DRC11: variants seen among roughly 807,000 people sequenced by gnomAD.
DRC11 encodes the protein dynein regulatory complex subunit 11.
chr2:236,368,289 T>C, the DRC11 span: 7 of 1,593,302 alleles, frequency 4.4e-6, no homozygotes, highest in Non-Finnish European at 6.0e-6. Context: ...AGTCCCCAGG[T>C]AGCTGTACTC....
At chr2:236,447,067 G>A in the DRC11 span, among the ~76,000 whole-genome samples, 1 of 151,478 alleles carries the variant, frequency 6.6e-6, no homozygotes, top group Non-Finnish European at 1.5e-5. This position sits in a 1 kb window ranked among gnomAD's most constrained non-coding sequence, Gnocchi z 4.6. Context: ...TGAGCTCCCA[G>A]CCTCCTCCAG....
chr2:236,419,903 G>A, the DRC11 span, among the ~76,000 whole-genome samples: 1 of 152,154 alleles, frequency 6.6e-6, no homozygotes, highest in African/African-American at 2.4e-5. This position sits in a 1 kb window ranked among gnomAD's most constrained non-coding sequence, Gnocchi z 4.8. Context: ...AGTGTTCACT[G>A]AGCACTCACT....
the DRC11 span, among the ~76,000 whole-genome samples, chr2:236,329,062 C>G: frequency 6.6e-6 from 1 of 152,186 alleles, no homozygotes; most frequent in African/African-American, 2.4e-5. Context: ...GGCCCCTGCT[C>G]CACCTTTGGA....
the DRC11 span, chr2:236,408,608 C>A: frequency 4.1e-6 from 3 of 725,032 alleles, no homozygotes; most frequent in Admixed American, 5.6e-5. This position sits in a 1 kb window ranked among gnomAD's most constrained non-coding sequence, Gnocchi z 5.5. Context: ...CTTGGCAGTG[C>A]TTCTTCATGC....
At chr2:236,465,802 C>G in the DRC11 span, 1 of 791,910 alleles carries the variant, frequency 1.3e-6, no homozygotes. This position sits in a 1 kb window ranked among gnomAD's most constrained non-coding sequence, Gnocchi z 6.2. Flanking sequence ...TTAATATCTT[C>G]CATAGTGTCT....
At chr2:236,468,355 G>A in the DRC11 span, among the ~76,000 whole-genome samples, 5 of 152,290 alleles carry the variant, frequency 3.3e-5, no homozygotes, top group Admixed American at 3.3e-4. Flanking sequence ...GCCTCTTAAA[G>A]TGATGGGATC....
At chr2:236,338,178 G>A in the DRC11 span, 1 of 1,605,164 alleles carries the variant, frequency 6.2e-7, no homozygotes, top group Non-Finnish European at 8.5e-7. Context: ...CAGCTATCAT[G>A]CATGGGAAGG....
At chr2:236,374,690 G>T in the DRC11 span, among the ~76,000 whole-genome samples, 4,235 of 151,866 alleles carry the variant, frequency 0.028, 210 homozygotes, top group African/African-American at 0.097. Context: ...GTTTTTATTT[G>T]TATTATTATT....
chr2:236,445,030 G>A, the DRC11 span, among the ~76,000 whole-genome samples: 1 of 152,214 alleles, frequency 6.6e-6, no homozygotes, highest in Non-Finnish European at 1.5e-5. The surrounding 1 kb of genome is among the most constrained non-coding windows in gnomAD (Gnocchi z 4.8). Context: ...GGGGCTTAGA[G>A]AGAAACCATG....
At chr2:236,365,056 G>GA in the DRC11 span, among the ~76,000 whole-genome samples, 1 of 152,116 alleles carries the variant, frequency 6.6e-6, no homozygotes, top group Admixed American at 6.5e-5. This position sits in a 1 kb window ranked among gnomAD's most constrained non-coding sequence, Gnocchi z 7.4. Flanking sequence ...ACAGGAGAGA[G>GA]ATGCCATTCA....
At chr2:236,336,996 G>A in the DRC11 span, among the ~76,000 whole-genome samples, 7 of 152,270 alleles carry the variant, frequency 4.6e-5, no homozygotes, top group South Asian at 2.1e-4. The surrounding 1 kb of genome is among the most constrained non-coding windows in gnomAD (Gnocchi z 7.3). Context: ...ATAACCCGTC[G>A]TGGGACCCAG....
At chr2:236,422,521 A>T in the DRC11 span, among the ~76,000 whole-genome samples, 1 of 152,340 alleles carries the variant, frequency 6.6e-6, no homozygotes, top group African/African-American at 2.4e-5. Flanking sequence ...TTCAAGGAGA[A>T]CTACAAACCA....
chr2:236,352,303 G>A, the DRC11 span, among the ~76,000 whole-genome samples: 1 of 152,122 alleles, frequency 6.6e-6, no homozygotes, highest in African/African-American at 2.4e-5. This position sits in a 1 kb window ranked among gnomAD's most constrained non-coding sequence, Gnocchi z 7.0. Flanking sequence ...GTGACAGGGA[G>A]AGCTCCTTCA....
the DRC11 span, among the ~76,000 whole-genome samples, chr2:236,409,697 G>A: frequency 6.6e-6 from 1 of 151,924 alleles, no homozygotes; most frequent in African/African-American, 2.4e-5. Context: ...CGTTTTCAAA[G>A]GGAATGCTTC....
chr2:236,491,202 ATATATATATACACACAG>A, the DRC11 span, among the ~76,000 whole-genome samples: 3 of 59,712 alleles, frequency 5.0e-5, no homozygotes, highest in Non-Finnish European at 1.0e-4. Context: ...ATATATATAT[ATATATATATACACACAG>A]TATATATATA....
the DRC11 span, among the ~76,000 whole-genome samples, chr2:236,458,438 G>A: frequency 1.8e-3 from 276 of 152,294 alleles, 1 homozygote; most frequent in African/African-American, 6.5e-3. Flanking sequence ...ACTAATGTGA[G>A]AATTCACTTA....
At chr2:236,320,175 A>C in the DRC11 span, among the ~76,000 whole-genome samples, 4 of 152,142 alleles carry the variant, frequency 2.6e-5, no homozygotes, top group Non-Finnish European at 2.9e-5. Context: ...AGGTGCTTTC[A>C]CACATATATT....
chr2:236,336,248 T>G, the DRC11 span, among the ~76,000 whole-genome samples: 615 of 152,308 alleles, frequency 4.0e-3, no homozygotes, highest in African/African-American at 0.014. The surrounding 1 kb of genome is among the most constrained non-coding windows in gnomAD (Gnocchi z 7.3). Context: ...GTTTATAGCA[T>G]GCAGGGAGTA....
the DRC11 span, chr2:236,487,969 T>C: frequency 6.7e-7 from 1 of 1,483,322 alleles, no homozygotes. Context: ...AGGCACCTTG[T>C]ACCCCAACTC....
Sources: gnomAD v4.1 joint callset for allele counts (sites outside exome capture counted in the v4.1 genomes callset) on GRCh38, gnomAD v4.1.1 for gene constraint, Gnocchi (gnomAD v3.1) non-coding constraint, MANE v1.5 for transcripts, NCBI Gene and HGNC (gene_info 2026-07-23, HGNC 2026-07-21) for gene names.